CUX1: variants seen among roughly 807,000 people sequenced by gnomAD.
The protein encoded by CUX1 is cut like homeobox 1, also known as protein CASP.
A neutral mutation model predicts 158.8 loss-of-function variants in CUX1; 31 were observed. The observed-to-expected ratio is 0.20, with a 90% CI of 0.15 to 0.26. The LOEUF is 0.26. Ranked by LOEUF, CUX1 falls within the 10% of genes least tolerant of loss-of-function variation. The pLI, the probability that CUX1 is intolerant of heterozygous loss-of-function variation, is 1.00. For synonymous variants in CUX1, 879 were observed against 862.1 expected (o/e 1.02, Z -0.34); for missense variants, 1,589 against 2,014.6 (o/e 0.79, Z 4.04).
At chr7:102,155,464 T>G (rs1271274396) in intron 8 of CUX1, among the ~76,000 whole-genome samples, 1 of 151,682 alleles carries the variant, frequency 6.6e-6, no homozygotes, top group Non-Finnish European at 1.5e-5. Flanking sequence ...GAGGACTGCT[T>G]GAGCCCAAGA....
At chr7:101,836,684 C>CAAAAAA (rs71755816) in intron 1 of CUX1, among the ~76,000 whole-genome samples, 4 of 77,822 alleles carry the variant, frequency 5.1e-5, no homozygotes, top group Non-Finnish European at 7.2e-5. Context: ...GACTCCTTCT[C>CAAAAAA]AAAAAAAAAA....
chr7:102,114,554 G>C (rs1293708421), intron 7 of CUX1, among the ~76,000 whole-genome samples: 2 of 152,146 alleles, frequency 1.3e-5, no homozygotes, highest in African/African-American at 4.8e-5. Flanking sequence ...GAGCCACCTC[G>C]CCCAACCAGA....
At chr7:102,077,994 G>A (rs549578230) in intron 4 of CUX1, among the ~76,000 whole-genome samples, 1 of 152,134 alleles carries the variant, frequency 6.6e-6, no homozygotes, top group South Asian at 2.1e-4. Flanking sequence ...ATGTATTGCA[G>A]ATAAGAACTT....
intron 10 of CUX1, among the ~76,000 whole-genome samples, chr7:102,175,119 G>A (rs1175864323): frequency 6.6e-6 from 1 of 152,194 alleles, no homozygotes; most frequent in African/African-American, 2.4e-5. Flanking sequence ...CTGGGAGTTG[G>A]CCAGTGTGGC....
At chr7:101,847,155 C>A (rs1384720112) in intron 1 of CUX1, among the ~76,000 whole-genome samples, 2 of 152,044 alleles carry the variant, frequency 1.3e-5, no homozygotes, top group African/African-American at 4.8e-5. Context: ...AAAGAAATGA[C>A]AAAATAAACA....
rs563820547 is a variant in CUX1, at chr7:101,828,245, C to T, written c.30+10576C>T. Among the ~76,000 whole-genome samples, 17 of 151,790 alleles carry T rather than the reference C, an allele frequency of 1.1e-4. No individual in the cohort carries two copies. In the East Asian group the frequency reaches 3.1e-3, roughly 28 times the overall value. On this transcript the variant is annotated intron_variant, in intron 1 of 23. Transcript: ENST00000292535. Reference sequence around the variant, plus strand: ...TCGGCCTCCCAAAGTGCTGGGATGACGGGTGGGAGCCACCATACCCAGCCC... The same window carrying T: ...TCGGCCTCCCAAAGTGCTGGGATGATGGGTGGGAGCCACCATACCCAGCCC...
chr7:102,273,915 A>G (rs1031597060), intron 15 of CUX1, among the ~76,000 whole-genome samples: 1 of 152,234 alleles, frequency 6.6e-6, no homozygotes, highest in African/African-American at 2.4e-5. Context: ...CCGGGAGAGA[A>G]GTCTGGGCTG....
At chr7:102,110,672 A>G (rs1830794033) in intron 6 of CUX1, among the ~76,000 whole-genome samples, 1 of 152,216 alleles carries the variant, frequency 6.6e-6, no homozygotes, top group Admixed American at 6.5e-5. Flanking sequence ...CTATTATGCT[A>G]TAGTGTGTTA....
rs376994993 is a variant in CUX1, at chr7:102,069,804, G to A, written c.190-535G>A. ...TCCTGGGATTTGAATGTGTTCGTCC[G>A]TTTACATGCAGCATCTTACCCGTCC... On this transcript the variant is annotated intron_variant, in intron 3 of 23. Coordinates refer to ENST00000292535, the MANE Select transcript of CUX1 (RefSeq NM_181552.4). Among the ~76,000 whole-genome samples the A allele has an allele frequency of 3.9e-4, 60 of 152,304 alleles. 1 individual carries two copies. The highest frequency in any genetic ancestry group is 1.3e-3 in the African/African-American group (53 of 41,572).
In CUX1 at chr7:102,249,919, T is replaced by TA; in HGVS notation, c.*878dup. 1 of 985,760 alleles carries TA rather than the reference T, an allele frequency of 1.0e-6. No individual in the cohort carries two copies. The highest frequency in any genetic ancestry group is 1.2e-6 in the Non-Finnish European group (1 of 829,914). The allele number at this position is 985,760 out of a possible 1,614,324, so 61.1% of individuals were successfully genotyped here. On this transcript the variant is annotated 3_prime_UTR_variant, in exon 24 of 24. Coordinates refer to ENST00000292535, the MANE Select transcript of CUX1 (RefSeq NM_181552.4). ...AACTCTGATTTTGTGGTAGCTGACATAGTGTTTTCTTGTACGTGAATAGAA... is the reference window on the plus strand; with the variant it reads ...AACTCTGATTTTGTGGTAGCTGACATAAGTGTTTTCTTGTACGTGAATAGAA...
intron 1 of CUX1, among the ~76,000 whole-genome samples, chr7:101,831,168 G>C (rs1793955944): frequency 6.6e-6 from 1 of 152,114 alleles, no homozygotes; most frequent in South Asian, 2.1e-4. Context: ...TGGCTGTCTT[G>C]CTCCAAAGAC....
intron 4 of CUX1, among the ~76,000 whole-genome samples, chr7:102,084,858 C>CTTTGTTT (rs1827800404): frequency 1.8e-5 from 1 of 56,048 alleles, no homozygotes; most frequent in Non-Finnish European, 3.3e-5. Context: ...ATTTTCCTTG[C>CTTTGTTT]TTTTTTTTTT....
intron 16 of CUX1, 121 bp from the exon 17 acceptor site, chr7:102,199,950 A>C: frequency 1.4e-6 from 1 of 718,748 alleles, no homozygotes; most frequent in Non-Finnish European, 2.3e-6. Flanking sequence ...GGGAGGCCAC[A>C]TCTGCCTCCT....
At chr7:102,277,974 T>G (rs782392556) in exon 18 of CUX1, 2 of 1,255,596 alleles carry the variant, frequency 1.6e-6, no homozygotes, top group South Asian at 1.4e-5. Flanking sequence ...CAGCACACCC[T>G]CCAGGCCCTG....
At chr7:101,977,177 T>A (rs1224557388) in intron 2 of CUX1, among the ~76,000 whole-genome samples, 3 of 152,094 alleles carry the variant, frequency 2.0e-5, no homozygotes, top group Non-Finnish European at 2.9e-5. Flanking sequence ...CCTCCCAAAG[T>A]GCTAGGATTA....
intron 2 of CUX1, among the ~76,000 whole-genome samples, chr7:102,018,676 T>C (rs901638372): frequency 6.6e-6 from 1 of 152,198 alleles, no homozygotes; most frequent in African/African-American, 2.4e-5. Context: ...AGAAGAAGCC[T>C]TAGTGCAACC....
At position 102,252,321 on chromosome 7, in the gene CUX1, T is replaced by C; in HGVS notation, c.*3279T>C. 1.0e-6 allele frequency: 1 copy of C among 985,460 alleles called. No individual in the cohort carries two copies. Among genetic ancestry groups the C allele is most frequent in the South Asian group, 4.7e-5 (1 of 21,280 alleles). The allele number at this position is 985,460 out of a possible 1,614,324, so 61.0% of individuals were successfully genotyped here. A position where few individuals can be genotyped will look rare whatever the true frequency, so the allele number is the denominator to read the frequency against. On this transcript the variant is annotated 3_prime_UTR_variant, in exon 24 of 24. Coordinates refer to ENST00000292535, the MANE Select transcript of CUX1 (RefSeq NM_181552.4). ...AGCAGTATTCAAGTGCCTTGAACAG[T>C]GTCCCCTCGGCATGGCTCCCCTTCA... is the stretch of plus-strand genomic sequence containing the variant.
Position 102,158,586 on chromosome 7 carries a change from C to A in CUX1, c.701C>A (p.Thr234Lys). ...AKADEIEMIM[T>K]DLERANQRAE... ...GCCGACGAGATTGAAATGATCATGA[C>A]GGACCTTGAAAGGGCAAACCAGGTA... The change falls in exon 9 of 24, where the codon ACG becomes AAG. Residue 234 changes from threonine to lysine, a missense_variant. Transcript: ENST00000292535. The A allele has an allele frequency of 6.2e-7, 1 of 1,613,962 alleles. No individual in the cohort carries two copies. Among genetic ancestry groups the A allele is most frequent in the Non-Finnish European group, 8.5e-7 (1 of 1,179,954 alleles).
At chr7:102,091,422 C>T (rs1828568482) in intron 4 of CUX1, among the ~76,000 whole-genome samples, 1 of 152,176 alleles carries the variant, frequency 6.6e-6, no homozygotes, top group Admixed American at 6.5e-5. Flanking sequence ...CCTCTAACTC[C>T]TGGCCTCAAG....
Sources: allele counts gnomAD v4.1 joint callset (sites outside exome capture counted in the v4.1 genomes callset), GRCh38; gene constraint gnomAD v4.1.1; transcripts MANE v1.5; gene names NCBI Gene and HGNC (gene_info 2026-07-23, HGNC 2026-07-21).